The following RELN variants were observed in gnomAD, a reference collection of about 807,000 sequenced individuals.
The protein encoded by RELN is reelin.
A neutral mutation model predicts 427.6 loss-of-function variants in RELN; 108 were observed. The ratio of observed to expected loss-of-function variants is 0.25; its 90% CI spans 0.22 to 0.30. The LOEUF is 0.30. RELN is among the 10% of genes least tolerant of loss of function. The pLI, the probability that RELN is intolerant of heterozygous loss-of-function variation, is 1.00. For synonymous variants in RELN, 1,524 were observed against 1,513.4 expected (o/e 1.01, Z -0.16); for missense variants, 3,715 against 4,302.8 (o/e 0.86, Z 3.82).
intron 2 of RELN, among the ~76,000 whole-genome samples, chr7:103,857,060 C>T (rs1486492551): frequency 6.6e-6 from 1 of 152,068 alleles, no homozygotes; most frequent in Non-Finnish European, 1.5e-5. Context: ...AAAAACTATC[C>T]TAGTTGGTTA....
chr7:103,519,070 T>TG (rs1438180927), intron 49 of RELN, among the ~76,000 whole-genome samples: 2 of 152,244 alleles, frequency 1.3e-5, no homozygotes, highest in African/African-American at 4.8e-5. Flanking sequence ...TGTGGGTTTT[T>TG]GCACTGGGTT....
intron 2 of RELN, among the ~76,000 whole-genome samples, chr7:103,907,710 T>G (rs1434186487): frequency 2.0e-5 from 3 of 151,974 alleles, no homozygotes; most frequent in Admixed American, 6.6e-5. Context: ...TTATAGTATG[T>G]AAATTATAGC....
At chr7:103,691,854 T>C (rs1833880230) in intron 10 of RELN, among the ~76,000 whole-genome samples, 1 of 151,968 alleles carries the variant, frequency 6.6e-6, no homozygotes, top group South Asian at 2.1e-4. Context: ...AAAAAATCAT[T>C]TGTAGTTAAT....
intron 2 of RELN, among the ~76,000 whole-genome samples, chr7:103,854,832 G>A (rs1239969341): frequency 6.6e-6 from 1 of 152,144 alleles, no homozygotes; most frequent in Non-Finnish European, 1.5e-5. Flanking sequence ...GAAGATTCCG[G>A]ATTTCTGCCA....
rs956039672 is a variant in RELN at position 103,652,483 on chromosome 7, T to A, written c.1763+68A>T. On this transcript the variant is annotated intron_variant, in intron 14 of 64. Coordinates refer to ENST00000428762, the MANE Select transcript of RELN (RefSeq NM_005045.4). ...GTTAAAACTCTACCTAGAAACTACC[T>A]CTTATTTAATAGCCAAATCTGCAAA... 44 of 1,255,544 alleles carry A rather than the reference T, an allele frequency of 3.5e-5. No individual in the cohort carries two copies. The African/African-American group carries it at 5.9e-4, about 17-fold the overall frequency. 77.8% of individuals were successfully genotyped at this position (1,255,544 alleles called of 1,614,324 possible).
At chr7:103,838,077 T>C (rs370547785) in intron 2 of RELN, among the ~76,000 whole-genome samples, 36 of 151,644 alleles carry the variant, frequency 2.4e-4, no homozygotes, top group East Asian at 3.9e-4. Context: ...GGTGTGGTGG[T>C]GGGCGCCTGT....
chr7:103,934,802 CA>C (rs1795944234), intron 1 of RELN, among the ~76,000 whole-genome samples: 1 of 152,038 alleles, frequency 6.6e-6, no homozygotes, highest in South Asian at 2.1e-4. Context: ...AATCTAGAGG[CA>C]AAAAGGATTC....
intron 2 of RELN, among the ~76,000 whole-genome samples, chr7:103,835,277 T>G (rs573935886): frequency 6.6e-6 from 1 of 152,320 alleles, no homozygotes; most frequent in East Asian, 1.9e-4. Context: ...GATCAGGAGT[T>G]GCCAGGAGTT....
chr7:103,760,989 A>C (rs1431096817), intron 4 of RELN, among the ~76,000 whole-genome samples: 1 of 137,044 alleles, frequency 7.3e-6, no homozygotes, highest in African/African-American at 3.2e-5. Flanking sequence ...ATTTAGAGTG[A>C]AAACAGTTCT....
At chr7:103,791,620 T>G (rs1385378157) in intron 3 of RELN, among the ~76,000 whole-genome samples, 1 of 152,078 alleles carries the variant, frequency 6.6e-6, no homozygotes, top group African/African-American at 2.4e-5. Context: ...TAACTAAAAC[T>G]GTAAAACTCT....
chr7:103,523,827 A>G (rs1052412479), intron 46 of RELN, among the ~76,000 whole-genome samples: 1 of 151,968 alleles, frequency 6.6e-6, no homozygotes, highest in Admixed American at 6.6e-5. Context: ...ATAGGCATGC[A>G]CTACAACACC....
At position 103,503,340 on chromosome 7, in the gene RELN, TC is replaced by T. The variant is rs1425353635; in HGVS notation, c.8275-111del. ...ATCACTTGATATACACTGTACCACATCCATCCTGTATTTTCAGATTCATTAT... is the reference window on the plus strand; with the variant it reads ...ATCACTTGATATACACTGTACCACATCATCCTGTATTTTCAGATTCATTAT... On this transcript the variant is annotated intron_variant, in intron 51 of 64. Transcript: ENST00000428762. The T allele has an allele frequency of 4.3e-5, 36 of 846,444 alleles. No individual in the cohort carries two copies. In the African/African-American group the frequency reaches 5.5e-4, roughly 13 times the overall value. The allele number at this position is 846,444 out of a possible 1,614,324, so 52.4% of individuals were successfully genotyped here.
chr7:103,916,359 A>T (rs1194886464), intron 2 of RELN, among the ~76,000 whole-genome samples: 2 of 152,186 alleles, frequency 1.3e-5, no homozygotes, highest in Non-Finnish European at 2.9e-5. Context: ...TCAATTTTGG[A>T]GTAAGATCAG....
intron 1 of RELN, among the ~76,000 whole-genome samples, chr7:103,987,776 A>G (rs1161403551): frequency 6.6e-6 from 1 of 152,242 alleles, no homozygotes; most frequent in Non-Finnish European, 1.5e-5. Flanking sequence ...TTATCTAAAA[A>G]GGGACTAGTT....
intron 49 of RELN, 151 bp from the exon 50 acceptor site, chr7:103,515,592 T>A: frequency 1.1e-6 from 1 of 921,764 alleles, no homozygotes; most frequent in Non-Finnish European, 1.6e-6. Flanking sequence ...AAACCACGAT[T>A]AACTGGCTTA....
chr7:103,785,309 TAGGCA>T (rs1791989594), intron 3 of RELN, among the ~76,000 whole-genome samples: 1 of 152,144 alleles, frequency 6.6e-6, no homozygotes, highest in South Asian at 2.1e-4. Flanking sequence ...GAGGCATTCT[TAGGCA>T]AGGCAAGAAC....
chr7:103,842,550 G>A (rs1472565531), intron 2 of RELN, among the ~76,000 whole-genome samples: 1 of 152,130 alleles, frequency 6.6e-6, no homozygotes, highest in Non-Finnish European at 1.5e-5. Context: ...TGAAGTACCA[G>A]CCTGATGAAA....
chr7:103,757,579 A>T (rs1562994782), intron 4 of RELN, among the ~76,000 whole-genome samples: 1 of 152,330 alleles, frequency 6.6e-6, no homozygotes, highest in East Asian at 1.9e-4. Flanking sequence ...AAAAACAGAA[A>T]TGTTCTTAAA....
intron 48 of RELN, among the ~76,000 whole-genome samples, chr7:103,520,409 G>A (rs530183825): frequency 5.7e-4 from 86 of 152,086 alleles, no homozygotes; most frequent in African/African-American, 2.0e-3. Context: ...CCGAGTAGCT[G>A]GGACCACAGT....
Sources: gnomAD v4.1 joint callset for allele counts (sites outside exome capture counted in the v4.1 genomes callset) on GRCh38, gnomAD v4.1.1 for gene constraint, MANE v1.5 for transcripts, NCBI Gene and HGNC (gene_info 2026-07-23, HGNC 2026-07-21) for gene names.